Variants in PATJ observed in about 807,000 individuals in gnomAD.
PATJ encodes inaD-like protein.
In PATJ, 190 loss-of-function variants were observed where a neutral mutation model predicts 224.9. That is an observed-to-expected ratio of 0.84 (90% confidence interval 0.75 to 0.95). PATJ has a LOEUF of 0.95. PATJ is among the 40% of genes least tolerant of loss of function. The probability of loss-of-function intolerance (pLI) is 0.00; values close to 1 mark genes in which losing one functional copy is unlikely to be tolerated. For synonymous variants in PATJ, 769 were observed against 820.3 expected (o/e 0.94, Z 1.07); for missense variants, 2,121 against 2,270.3 (o/e 0.93, Z 1.34).
At chr1:61,796,659 T>TTTCG (rs973768745) in intron 10 of PATJ, among the ~76,000 whole-genome samples, 20 of 49,000 alleles carry the variant, frequency 4.1e-4, no homozygotes, top group African/African-American at 1.2e-3. Flanking sequence ...CTAAATTTAT[T>TTTCG]TTCTTTCTTT....
At chr1:61,793,429 G>A (rs1033699774) in intron 9 of PATJ, among the ~76,000 whole-genome samples, 2 of 152,142 alleles carry the variant, frequency 1.3e-5, no homozygotes, top group Admixed American at 6.5e-5. Context: ...AATGCTAGAT[G>A]TTTTGGGGAA....
intron 12 of PATJ, among the ~76,000 whole-genome samples, chr1:61,804,728 A>C (rs1653180106): frequency 6.6e-6 from 1 of 152,190 alleles, no homozygotes; most frequent in Non-Finnish European, 1.5e-5. Flanking sequence ...GCTTCTGGCT[A>C]CAGTCATGTG....
At chr1:61,839,061 G>C (rs1287198576) in intron 17 of PATJ, among the ~76,000 whole-genome samples, 1 of 152,074 alleles carries the variant, frequency 6.6e-6, no homozygotes, top group Non-Finnish European at 1.5e-5. Flanking sequence ...AATTCATACA[G>C]GTAGTATATG....
Position 62,000,130 on chromosome 1 carries a change from C to A in PATJ, c.3867+9766C>A, listed in dbSNP as rs889751853. ...TCTCGAACTCCTGACCTCAGGTGAT[C>A]CTCCCGCCTCGGCCTCCCAACGTGC... On this transcript the variant is annotated intron_variant, in intron 28 of 43. Transcript: ENST00000642238. Among the ~76,000 whole-genome samples, 5 of 152,096 alleles carry A rather than the reference C, an allele frequency of 3.3e-5. No individual in the cohort carries two copies. The South Asian group carries it at 1.0e-3, about 32-fold the overall frequency.
intron 5 of PATJ, 64 bp from the exon 6 acceptor site, chr1:61,771,367 T>C (rs1646598173): frequency 1.9e-6 from 2 of 1,036,672 alleles, no homozygotes; most frequent in Non-Finnish European, 2.8e-6. Context: ...TGCTTAACTT[T>C]AATAGATTTT....
At chr1:61,871,456 CGT>C (rs377035480) in intron 20 of PATJ, among the ~76,000 whole-genome samples, 16 of 38,654 alleles carry the variant, frequency 4.1e-4, no homozygotes, top group Non-Finnish European at 5.7e-4. Context: ...CATATATATG[CGT>C]ATATATATGT....
chr1:62,153,604 T>C, intron 43 of PATJ, 123 bp downstream of exon 43: 1 of 510,036 alleles, frequency 2.0e-6, no homozygotes, highest in Non-Finnish European at 3.0e-6. Flanking sequence ...CTCATTTCAT[T>C]TGAATCTTAT....
At chr1:61,781,307 T>G (rs1029458297) in intron 7 of PATJ, among the ~76,000 whole-genome samples, 3 of 152,244 alleles carry the variant, frequency 2.0e-5, no homozygotes, top group Non-Finnish European at 2.9e-5. Context: ...TGGTAAGGCC[T>G]AGCCATAGGG....
intron 14 of PATJ, 30 bp from the exon 15 acceptor site, chr1:61,822,915 G>A: frequency 2.5e-6 from 4 of 1,613,306 alleles, no homozygotes; most frequent in Non-Finnish European, 2.5e-6. Flanking sequence ...TCATTGTCAT[G>A]TTTGATCATT....
rs1397508609 is a variant in PATJ at position 61,856,403 on chromosome 1, AAAT to A, written c.2322+168_2322+170del. ...TGTCCTTGACTTACAATATCAGAAA[AAAT>A]AATGTCTACCTCATAGGGTTTTGGG... On this transcript the variant is annotated intron_variant, in intron 18 of 43. Coordinates refer to ENST00000642238, the MANE Select transcript of PATJ (RefSeq NM_001350145.3). 2.6e-5 allele frequency among the ~76,000 whole-genome samples: 4 copies of A among 152,150 alleles called. No individual in the cohort carries two copies. The East Asian group carries it at 7.7e-4, about 29-fold the overall frequency.
At chr1:61,959,610 T>A (rs1407601733) in intron 27 of PATJ, among the ~76,000 whole-genome samples, 2 of 151,134 alleles carry the variant, frequency 1.3e-5, no homozygotes, top group East Asian at 3.9e-4. Flanking sequence ...GGCTAATTTT[T>A]AAAAAATTCT....
intron 31 of PATJ, among the ~76,000 whole-genome samples, chr1:62,060,597 A>G (rs552687753): frequency 2.0e-5 from 3 of 152,088 alleles, no homozygotes; most frequent in Non-Finnish European, 4.4e-5. Flanking sequence ...CTACACTAAC[A>G]TAACTTGATG....
chr1:61,864,170 A>G, intron 19 of PATJ, 68 bp from the exon 20 acceptor site: 1 of 1,396,364 alleles, frequency 7.2e-7, no homozygotes, highest in Middle Eastern at 2.3e-4. Flanking sequence ...AAAATTTTCC[A>G]GTTTATCTAT....
chr1:61,874,143 G>A (rs1667036508), intron 20 of PATJ, among the ~76,000 whole-genome samples: 1 of 151,974 alleles, frequency 6.6e-6, no homozygotes, highest in Admixed American at 6.6e-5. Flanking sequence ...TCACAGGGTG[G>A]AAGAGTGGAA....
chr1:62,102,733 C>T (rs1039939545), intron 33 of PATJ, among the ~76,000 whole-genome samples: 20 of 151,618 alleles, frequency 1.3e-4, no homozygotes, highest in Non-Finnish European at 2.7e-4. Flanking sequence ...TGGTGGCACA[C>T]GCCTTCGTCC....
At chr1:61,946,811 A>C (rs1419400413) in intron 27 of PATJ, among the ~76,000 whole-genome samples, 2 of 152,226 alleles carry the variant, frequency 1.3e-5, no homozygotes, top group African/African-American at 4.8e-5. Context: ...CGATGCAGAA[A>C]TCCTCAGTAA....
chr1:61,960,948 A>G (rs1395273016), intron 27 of PATJ, among the ~76,000 whole-genome samples: 1 of 152,072 alleles, frequency 6.6e-6, no homozygotes, highest in Non-Finnish European at 1.5e-5. Context: ...ATATTCAGAC[A>G]CTCATATGGG....
chr1:61,933,412 C>T (rs192147118), intron 27 of PATJ, among the ~76,000 whole-genome samples: 31 of 151,814 alleles, frequency 2.0e-4, no homozygotes, highest in African/African-American at 7.5e-4. Flanking sequence ...TAGTGGCGGG[C>T]TCCTTGTAAT....
intron 29 of PATJ, among the ~76,000 whole-genome samples, chr1:62,028,869 G>A (rs751018871): frequency 1.3e-5 from 2 of 152,114 alleles, no homozygotes; most frequent in Non-Finnish European, 2.9e-5. Flanking sequence ...TGGGAGGTTC[G>A]CTTGAGCCTG....
Sources: gnomAD v4.1 joint callset for allele counts (sites outside exome capture counted in the v4.1 genomes callset) on GRCh38, gnomAD v4.1.1 for gene constraint, MANE v1.5 for transcripts, NCBI Gene and HGNC (gene_info 2026-07-23, HGNC 2026-07-21) for gene names.